ABCA9: variants seen among roughly 807,000 people sequenced by gnomAD.
ABCA9 encodes ATP-binding cassette sub-family A member 9.
In ABCA9, 183 loss-of-function variants were observed where a neutral mutation model predicts 205.3. The observed-to-expected ratio is 0.89, with a 90% confidence interval of 0.79 to 1.01. The LOEUF (loss-of-function observed/expected upper bound fraction) is 1.01. ABCA9 is among the 50% of genes least tolerant of loss of function. The pLI is 0.00. For synonymous variants in ABCA9, 651 were observed against 683.3 expected (o/e 0.95, Z 0.74); for missense variants, 1,805 against 1,912.4 (o/e 0.94, Z 1.05).
At chr17:69,070,615 T>G in the ABCA9 span, among the ~76,000 whole-genome samples, 2 of 152,202 alleles carry the variant, frequency 1.3e-5, no homozygotes, top group East Asian at 3.8e-4. Flanking sequence ...GAGATTCCCT[T>G]GGGTGCCTAC....
the ABCA9 span, among the ~76,000 whole-genome samples, chr17:69,074,517 C>T: frequency 6.6e-6 from 1 of 152,148 alleles, no homozygotes; most frequent in East Asian, 1.9e-4. Flanking sequence ...TTTGTTCCTG[C>T]ATTACTACGA....
chr17:68,976,221 C>A, intron 37 of ABCA9, 31 bp from the exon 38 acceptor site: 1 of 1,589,852 alleles, frequency 6.3e-7, no homozygotes, highest in South Asian at 1.1e-5. Context: ...ATTAGGAATT[C>A]TATTTTTTTT....
chr17:69,035,226 A>G lies in ABCA9; in HGVS notation c.1128+20T>C. 2 of 1,506,170 alleles carry G rather than the reference A, an allele frequency of 1.3e-6. No individual in the cohort carries two copies. Among genetic ancestry groups the G allele is most frequent in the East Asian group, 2.4e-5 (1 of 41,562 alleles). 93.3% of individuals were successfully genotyped at this position (1,506,170 alleles called of 1,614,324 possible). ...TGTAGAACGGTTTGTAAAAAGTGAA[A>G]GTGTTACCTTAACTCTTACCTGGGC... is the stretch of plus-strand genomic sequence containing the variant. On this transcript the variant is annotated intron_variant, in intron 8 of 38. Transcript: ENST00000340001.
At chr17:68,986,979 T>C (rs2069258841) in intron 31 of ABCA9, among the ~76,000 whole-genome samples, 1 of 152,230 alleles carries the variant, frequency 6.6e-6, no homozygotes, top group African/African-American at 2.4e-5. Flanking sequence ...GGAACCAATA[T>C]ACACATGATA....
intron 8 of ABCA9, chr17:69,034,505 G>A (rs1026215839): frequency 1.3e-5 from 2 of 152,162 alleles, no homozygotes; most frequent in Admixed American, 1.3e-4. Context: ...ACAGGTGTGA[G>A]TCACAGCATC....
intron 31 of ABCA9, among the ~76,000 whole-genome samples, chr17:68,988,160 G>A (rs1291817855): frequency 3.9e-5 from 6 of 152,282 alleles, no homozygotes; most frequent in Admixed American, 3.3e-4. Context: ...GCCACTGTGC[G>A]ACCTTCCTTC....
Position 69,020,537 on chromosome 17 carries a change from T to G in ABCA9, c.2451A>C (p.Gly817=), listed in dbSNP as rs993306149. ...QLQTDGAKDI[G]SLVELEQVLS... ...AAACTTGTTCCAGCTCAACAAGGCTTCCTATATCTTTTGCCCCATCAGTTT... is the reference window on the plus strand; with the variant it reads ...AAACTTGTTCCAGCTCAACAAGGCTGCCTATATCTTTTGCCCCATCAGTTT... The change falls in exon 19 of 39, where the codon GGA becomes GGC. Residue 817 remains glycine, a synonymous_variant. Transcript: ENST00000340001. 4 of 1,613,990 alleles carry G rather than the reference T, an allele frequency of 2.5e-6. No individual in the cohort carries two copies. Among genetic ancestry groups the G allele is most frequent in the Non-Finnish European group, 3.4e-6 (4 of 1,179,966 alleles).
intron 2 of ABCA9, 126 bp downstream of exon 2, chr17:69,050,905 A>T: frequency 1.3e-6 from 1 of 759,322 alleles, no homozygotes; most frequent in Non-Finnish European, 1.8e-6. Context: ...TTTGAAAAAA[A>T]ATCTAGCTTG....
chr17:69,026,725 C>T (rs954618485), intron 15 of ABCA9, among the ~76,000 whole-genome samples: 1 of 152,154 alleles, frequency 6.6e-6, no homozygotes, highest in African/African-American at 2.4e-5. Context: ...GACATCAAGA[C>T]TGCCTAAAAC....
intron 20 of ABCA9, 64 bp downstream of exon 20, chr17:69,018,348 GT>G: frequency 7.4e-7 from 1 of 1,349,448 alleles, no homozygotes; most frequent in South Asian, 1.9e-5. Flanking sequence ...GGCTGTTCAT[GT>G]TTTTTGGGGG....
At chr17:68,991,070 C>T in intron 28 of ABCA9, 113 bp from the exon 29 acceptor site, 1 of 1,177,630 alleles carries the variant, frequency 8.5e-7, no homozygotes, top group Non-Finnish European at 1.2e-6. Flanking sequence ...CAGAGCACAA[C>T]ATCCTCTCTA....
chr17:69,044,405 G>C (rs1433371567), intron 5 of ABCA9, 92 bp downstream of exon 5: 1 of 1,080,790 alleles, frequency 9.3e-7, no homozygotes, highest in African/African-American at 1.6e-5. Context: ...TATTAATGAA[G>C]TGAATAAATG....
chr17:68,984,796 T>G lies in ABCA9; in HGVS notation c.4379+89A>C, dbSNP rs558527562. On this transcript the variant is annotated intron_variant, in intron 34 of 38. Coordinates refer to ENST00000340001, the MANE Select transcript of ABCA9 (RefSeq NM_080283.4). The stretch of plus-strand genomic sequence containing the variant: ...ATATTGCTTTTCCTGATACTGTGTC[T>G]TTTCCTTTCTAAGTAAACAATGATT... 22 of 1,553,176 alleles carry G rather than the reference T, an allele frequency of 1.4e-5. No homozygotes were observed. The African/African-American group carries it at 2.6e-4, about 18-fold the overall frequency.
intron 17 of ABCA9, chr17:69,022,226 GATTA>G (rs925117762): frequency 1.4e-4 from 21 of 152,098 alleles, no homozygotes; most frequent in Admixed American, 2.0e-4. Context: ...TTCTTGTTGA[GATTA>G]ATTATTAGAG....
intron 18 of ABCA9, among the ~76,000 whole-genome samples, chr17:69,021,301 C>A (rs1366399973): frequency 6.6e-6 from 1 of 151,924 alleles, no homozygotes; most frequent in Non-Finnish European, 1.5e-5. Flanking sequence ...ATTATCTTAG[C>A]AGCAATAAGA....
Position 69,017,705 on chromosome 17 carries a change from G to A in ABCA9, c.2852C>T (p.Thr951Ile). 6.2e-7 allele frequency: 1 copy of A among 1,613,392 alleles called. No homozygotes were observed. Among genetic ancestry groups the A allele is most frequent in the Non-Finnish European group, 8.5e-7 (1 of 1,179,474 alleles). ...AGCACCATTGTAAGATGGGTCATCTGTGCCATTTCTAGTTCCAAAGGCATC... is the reference window on the plus strand; with the variant it reads ...AGCACCATTGTAAGATGGGTCATCTATGCCATTTCTAGTTCCAAAGGCATC... ...EVDAFGTRNG[T>I]DDPSYNGAII... Residue 951 changes from threonine (T) to isoleucine (I), a missense_variant, in exon 21 of 39, where the codon ACA becomes ATA. Physicochemically the swap from Thr to Ile is moderately conservative, Grantham distance 89 (BLOSUM62 -1). Coordinates refer to ENST00000340001, the MANE Select transcript of ABCA9 (RefSeq NM_080283.4).
At chr17:68,979,556 A>C (rs1237597912) in intron 37 of ABCA9, among the ~76,000 whole-genome samples, 1 of 151,256 alleles carries the variant, frequency 6.6e-6, no homozygotes, top group Admixed American at 6.6e-5. Context: ...ACAGTAACCA[A>C]AACAGAATGG....
At chr17:69,056,285 A>C (rs975009580) in intron 1 of ABCA9, among the ~76,000 whole-genome samples, 2 of 152,168 alleles carry the variant, frequency 1.3e-5, no homozygotes, top group Non-Finnish European at 2.9e-5. Context: ...ACTAAGAAAA[A>C]AGAGGGAGAG....
intron 6 of ABCA9, among the ~76,000 whole-genome samples, chr17:69,041,415 A>T (rs1194657969): frequency 2.0e-5 from 3 of 152,070 alleles, no homozygotes; most frequent in African/African-American, 4.8e-5. Flanking sequence ...ATCATTTTTT[A>T]AAAAATAGGC....
Sources: allele counts gnomAD v4.1 joint callset (sites outside exome capture counted in the v4.1 genomes callset), GRCh38; gene constraint gnomAD v4.1.1; transcripts MANE v1.5; gene names NCBI Gene and HGNC (gene_info 2026-07-23, HGNC 2026-07-21).